SH3GL3: variants seen among roughly 807,000 people sequenced by gnomAD.
SH3GL3 encodes the protein SH3 domain containing GRB2 like 3, endophilin A3.
SH3GL3 carries 33 observed loss-of-function variants against 47.7 expected under a neutral mutation model. That is an observed-to-expected ratio of 0.69 (90% confidence interval 0.52 to 0.92). The LOEUF is 0.92. Ranked by LOEUF, SH3GL3 falls within the 40% of genes least tolerant of loss-of-function variation. The pLI, the probability that SH3GL3 is intolerant of heterozygous loss-of-function variation, is 0.00. For synonymous variants in SH3GL3, 155 were observed against 148.8 expected, an observed-to-expected ratio of 1.04 and a Z score of -0.30; for missense variants, 363 against 417.8, an observed-to-expected ratio of 0.87 and a Z score of 1.14.
chr15:83,601,668 A>G (rs1441689254), intron 8 of SH3GL3, among the ~76,000 whole-genome samples: 1 of 151,822 alleles, frequency 6.6e-6, no homozygotes, highest in East Asian at 1.9e-4. Flanking sequence ...TTTTTTTTCT[A>G]TGTCCCTTCC....
intron 8 of SH3GL3, among the ~76,000 whole-genome samples, chr15:83,596,658 C>T (rs1412318940): frequency 4.6e-5 from 7 of 152,064 alleles, no homozygotes; most frequent in Non-Finnish European, 1.0e-4. Context: ...TTTTAAGATA[C>T]GGGGTTTTGC....
intron 1 of SH3GL3, among the ~76,000 whole-genome samples, chr15:83,496,579 C>T (rs1485948113): frequency 1.3e-5 from 2 of 152,090 alleles, no homozygotes; most frequent in African/African-American, 2.4e-5. Context: ...TTAGGTGTTA[C>T]ATGTCACTCT....
rs543877725 is a variant in SH3GL3, at chr15:83,467,532, A to G, written c.45+19954A>G. Among the ~76,000 whole-genome samples the G allele has an allele frequency of 3.9e-5, 6 of 152,302 alleles. No homozygotes were observed. In the South Asian group the frequency reaches 1.2e-3, roughly 32 times the overall value. On this transcript the variant is annotated intron_variant, in intron 1 of 8. Transcript: ENST00000427482. ...TATTCTAGTTATTTTGTCTTTTCGTATAAATTTTAGAATACTCTTGTCTAT... is the reference window on the plus strand; with the variant it reads ...TATTCTAGTTATTTTGTCTTTTCGTGTAAATTTTAGAATACTCTTGTCTAT...
At chr15:83,486,448 G>A (rs1222199649) in intron 1 of SH3GL3, among the ~76,000 whole-genome samples, 1 of 152,112 alleles carries the variant, frequency 6.6e-6, no homozygotes, top group Non-Finnish European at 1.5e-5. Context: ...CTCTGCCTCT[G>A]TGGATTTACT....
At chr15:83,453,550 C>T (rs1053876981) in intron 1 of SH3GL3, among the ~76,000 whole-genome samples, 2 of 151,334 alleles carry the variant, frequency 1.3e-5, no homozygotes, top group African/African-American at 2.4e-5. Context: ...GTGTATGTGT[C>T]GAGGAATGTA....
chr15:83,556,359 G>A (rs1201061373), intron 1 of SH3GL3, among the ~76,000 whole-genome samples: 1 of 152,178 alleles, frequency 6.6e-6, no homozygotes, highest in Non-Finnish European at 1.5e-5. Flanking sequence ...GGGAAATTCA[G>A]GAAAAGCAGA....
intron 8 of SH3GL3, among the ~76,000 whole-genome samples, chr15:83,608,117 A>G (rs1303634945): frequency 6.6e-6 from 1 of 152,228 alleles, no homozygotes; most frequent in Non-Finnish European, 1.5e-5. Flanking sequence ...TAAGGTTAAC[A>G]TAAATCACAC....
At chr15:83,484,939 A>G (rs978791070) in intron 1 of SH3GL3, among the ~76,000 whole-genome samples, 1 of 152,198 alleles carries the variant, frequency 6.6e-6, no homozygotes, top group Non-Finnish European at 1.5e-5. Context: ...TAAAGTCACA[A>G]GTGTTTAAAT....
At chr15:83,504,396 AC>A (rs2042407138) in intron 1 of SH3GL3, among the ~76,000 whole-genome samples, 2 of 152,182 alleles carry the variant, frequency 1.3e-5, no homozygotes, top group African/African-American at 4.8e-5. Flanking sequence ...CTTCATACCC[AC>A]CCAGGATTGT....
intron 1 of SH3GL3, among the ~76,000 whole-genome samples, chr15:83,474,495 C>G (rs2041001325): frequency 6.6e-6 from 1 of 152,006 alleles, no homozygotes; most frequent in South Asian, 2.1e-4. Context: ...TTATTATGAT[C>G]CACTGCCAAA....
At chr15:83,449,073 T>C (rs139438491) in intron 1 of SH3GL3, among the ~76,000 whole-genome samples, 9 of 152,222 alleles carry the variant, frequency 5.9e-5, no homozygotes, top group African/African-American at 2.2e-4. Flanking sequence ...GATTTAAAAA[T>C]GTATGTGTAG....
chr15:83,586,900 A>G, intron 6 of SH3GL3, 83 bp from the exon 7 acceptor site: 1 of 649,158 alleles, frequency 1.5e-6, no homozygotes. Context: ...CTGCAAAGCT[A>G]GGTCTTTGCT....
chr15:83,612,586 C>A (rs1567038440), intron 8 of SH3GL3, among the ~76,000 whole-genome samples: 1 of 152,206 alleles, frequency 6.6e-6, no homozygotes, highest in Admixed American at 6.5e-5. Context: ...CGTGTTAGTC[C>A]AGAGAACTTT....
At chr15:83,514,440 A>T (rs568781457) in intron 1 of SH3GL3, among the ~76,000 whole-genome samples, 1 of 152,270 alleles carries the variant, frequency 6.6e-6, no homozygotes, top group South Asian at 2.1e-4. Flanking sequence ...AGGGAGCAAA[A>T]GAGAGACAGA....
intron 1 of SH3GL3, among the ~76,000 whole-genome samples, chr15:83,520,203 C>G (rs1433405616): frequency 1.3e-5 from 2 of 152,146 alleles, no homozygotes; most frequent in Admixed American, 6.5e-5. Flanking sequence ...CTTGCCTGAC[C>G]TTTGCCCAGA....
Position 83,491,987 on chromosome 15 carries a change from A to G in SH3GL3, c.45+44409A>G, listed in dbSNP as rs180814746. Among the ~76,000 whole-genome samples, 485 of 152,268 alleles carry G rather than the reference A, an allele frequency of 3.2e-3. 2 individuals are homozygous for G. The highest frequency in any genetic ancestry group is 0.011 in the African/African-American group (468 of 41,562). ...TTGCGATCTGATCAATCTTCCAACT[A>G]TTTATAGAAAGTACAGGCCAGGCTT... On this transcript the variant is annotated intron_variant, in intron 1 of 8. Transcript: ENST00000427482.
intron 6 of SH3GL3, among the ~76,000 whole-genome samples, chr15:83,582,668 T>C (rs1036300598): frequency 1.3e-5 from 2 of 152,202 alleles, no homozygotes; most frequent in African/African-American, 4.8e-5. Context: ...TTCAGGACTG[T>C]AATGTGTGGA....
chr15:83,561,568 A>C (rs1396936782), intron 2 of SH3GL3, among the ~76,000 whole-genome samples: 1 of 152,194 alleles, frequency 6.6e-6, no homozygotes, highest in African/African-American at 2.4e-5. Context: ...TATGGATAAA[A>C]AAAGAGATTA....
At chr15:83,583,746 G>A (rs2059892524) in intron 6 of SH3GL3, among the ~76,000 whole-genome samples, 1 of 152,048 alleles carries the variant, frequency 6.6e-6, no homozygotes, top group African/African-American at 2.4e-5. Context: ...GTCTGCCATG[G>A]GAGATAAATT....
Sources: gnomAD v4.1 joint callset for allele counts (sites outside exome capture counted in the v4.1 genomes callset) on GRCh38, gnomAD v4.1.1 for gene constraint, MANE v1.5 for transcripts, NCBI Gene and HGNC (gene_info 2026-07-23, HGNC 2026-07-21) for gene names.